Variants in SLC46A3 observed in about 807,000 individuals in gnomAD.
SLC46A3 encodes the protein solute carrier family 46 member 3, also known as lysosomal proton-coupled steroid conjugate and bile acid symporter SLC46A3.
Under a neutral mutation model 38.5 loss-of-function variants are expected in SLC46A3, and 26 were observed. The ratio of observed to expected loss-of-function variants is 0.68; its 90% CI spans 0.49 to 0.94. The LOEUF (loss-of-function observed/expected upper bound fraction) is 0.94, where lower values mean the gene tolerates loss of function less well. Ranked by LOEUF, SLC46A3 falls within the 40% of genes least tolerant of loss-of-function variation. The pLI is 0.00. For synonymous variants in SLC46A3, 185 were observed against 192.5 expected (o/e 0.96, Z 0.32); for missense variants, 510 against 544.3 (o/e 0.94, Z 0.63).
At chr13:28,716,801 G>GC (rs1566125556) in intron 2 of SLC46A3, among the ~76,000 whole-genome samples, 1 of 152,134 alleles carries the variant, frequency 6.6e-6, no homozygotes, top group Non-Finnish European at 1.5e-5. Context: ...GGGGCGGTTT[G>GC]CCATTTCCTC....
rs376550495 is a variant in SLC46A3, at chr13:28,711,664, C to G, written c.1061-821G>C. Among the ~76,000 whole-genome samples the G allele has an allele frequency of 1.6e-4, 24 of 152,268 alleles. No individual in the cohort carries two copies. The East Asian group carries it at 1.7e-3, about 11-fold the overall frequency. On this transcript the variant is annotated intron_variant, in intron 3 of 5. Coordinates refer to ENST00000266943, the MANE Select transcript of SLC46A3 (RefSeq NM_181785.4). ...TTCATAAACACAAATTACCTCTGGTCTTCAGTTATGACCCTTAATAGTCAG... is the reference window on the plus strand; with the variant it reads ...TTCATAAACACAAATTACCTCTGGTGTTCAGTTATGACCCTTAATAGTCAG...
chr13:28,715,357 G>T (rs1465446023), intron 2 of SLC46A3, among the ~76,000 whole-genome samples: 4 of 152,264 alleles, frequency 2.6e-5, no homozygotes, highest in African/African-American at 9.6e-5. Flanking sequence ...CAGGCTGGAG[G>T]TGGGCCAACA....
At chr13:28,711,993 C>G (rs911603126) in intron 3 of SLC46A3, among the ~76,000 whole-genome samples, 1 of 152,104 alleles carries the variant, frequency 6.6e-6, no homozygotes, top group African/African-American at 2.4e-5. Flanking sequence ...AAGTTAGGCC[C>G]AATTCTATTT....
intron 2 of SLC46A3, among the ~76,000 whole-genome samples, chr13:28,717,218 C>T (rs958635231): frequency 1.1e-4 from 17 of 152,094 alleles, no homozygotes; most frequent in Admixed American, 1.1e-3. Flanking sequence ...CAGATGTCCC[C>T]ACACAGCTGC....
intron 4 of SLC46A3, among the ~76,000 whole-genome samples, chr13:28,707,413 G>C (rs1429012548): frequency 1.5e-5 from 2 of 130,080 alleles, no homozygotes; most frequent in African/African-American, 5.6e-5. Context: ...AGTGGGGGGA[G>C]GGAGGAGGGG....
Position 28,710,833 on chromosome 13 carries a change from C to T in SLC46A3, c.1071G>A (p.Pro357=), listed in dbSNP as rs776471722. The T allele has an allele frequency of 7.4e-6, 12 of 1,613,282 alleles. No homozygotes were observed. Among genetic ancestry groups the T allele is most frequent in the South Asian group, 4.4e-5 (4 of 90,942 alleles). Residue 357 remains proline (P), a synonymous_variant, in exon 4 of 6, where the codon CCG becomes CCA. Coordinates refer to ENST00000266943, the MANE Select transcript of SLC46A3 (RefSeq NM_181785.4). ...TTLMMFLARV[P]FLFTIVPFSV... ...AGAATGGCACAATAGTGAAAAGGAA[C>T]GGCACCCTGGCTGTGAGAGAAAGGA...
At chr13:28,710,880 T>G in intron 3 of SLC46A3, 37 bp from the exon 4 acceptor site, 1 of 1,463,200 alleles carries the variant, frequency 6.8e-7, no homozygotes, top group Non-Finnish European at 9.6e-7. Context: ...TGGCTGATTC[T>G]GAAAGCTAAT....
rs537694004 is a variant in SLC46A3 at position 28,701,570 on chromosome 13, C to T, written c.1313G>A (p.Cys438Tyr). 3.7e-6 allele frequency: 6 copies of T among 1,612,770 alleles called. No homozygotes were observed. The highest frequency in any genetic ancestry group is 2.2e-5 in the East Asian group (1 of 44,838). Residue 438 changes from cysteine (C) to tyrosine (Y), a missense_variant, in exon 6 of 6, where the codon TGT becomes TAT. Transcript: ENST00000266943. ...LPAISLCVVK[C>Y]TSWNEGSYEL... is the part of the protein sequence containing the mutation. ...ATAGCTTCCCTCATTCCAGCTGGTACACTTGACAACACTATAAAAGGAAAC... is the reference window on the plus strand; with the variant it reads ...ATAGCTTCCCTCATTCCAGCTGGTATACTTGACAACACTATAAAAGGAAAC...
Position 28,713,551 on chromosome 13 carries a change from C to T in SLC46A3, c.190-1G>A. ...AACGTGACACTTTTTTCTGAACTTC[C>T]TGCAAAGAAATATAAAGAAGACAAT... On this transcript the variant is annotated splice_acceptor_variant, in intron 2 of 5. Coordinates refer to ENST00000266943, the MANE Select transcript of SLC46A3 (RefSeq NM_181785.4). LOFTEE classifies it high-confidence loss of function. The T allele has an allele frequency of 1.9e-6, 3 of 1,599,148 alleles. No individual in the cohort carries two copies. The highest frequency in any genetic ancestry group is 2.6e-6 in the Non-Finnish European group (3 of 1,170,928).
intron 3 of SLC46A3, among the ~76,000 whole-genome samples, chr13:28,711,946 C>T (rs1390677801): frequency 6.6e-6 from 1 of 152,148 alleles, no homozygotes; most frequent in Non-Finnish European, 1.5e-5. Context: ...GAGAGTAGTT[C>T]AGTAACTTGC....
chr13:28,713,487 G>T lies in SLC46A3; in HGVS notation c.253C>A (p.Leu85Ile). Residue 85 changes from leucine (L) to isoleucine (I), a missense_variant, in exon 3 of 6, where the codon CTA becomes ATA. Physicochemically the swap from Leu to Ile is conservative, Grantham distance 5. Transcript: ENST00000266943. The stretch of plus-strand genomic sequence containing the variant: ...GACAAAAGTATGAATGTAGACACTA[G>T]ACCAGGAATTAATCCACTTATGTCC... ...QMDISGLIPG[L>I]VSTFILLSIS... 2 of 1,613,546 alleles carry T rather than the reference G, an allele frequency of 1.2e-6. No individual in the cohort carries two copies. Among genetic ancestry groups the T allele is most frequent in the African/African-American group, 1.3e-5 (1 of 75,046 alleles).
chr13:28,718,720 T>G lies in SLC46A3; in HGVS notation c.-249A>C, dbSNP rs1885608952. Reference sequence around the variant, plus strand: ...ACCAAATTACGCTTGTCGGGGAGTCTCAAGCGTATTGTAAAGCAAACCTCG... The same window carrying G: ...ACCAAATTACGCTTGTCGGGGAGTCGCAAGCGTATTGTAAAGCAAACCTCG... On this transcript the variant is annotated 5_prime_UTR_variant, in exon 1 of 6. It removes the in-frame stop codon of an upstream open reading frame in the 5' UTR. Transcript: ENST00000266943. 1 of 152,298 alleles carries G rather than the reference T, an allele frequency of 6.6e-6. No individual in the cohort carries two copies. Among genetic ancestry groups the G allele is most frequent in the Non-Finnish European group, 1.5e-5 (1 of 68,098 alleles). The allele number at this position is 152,298 out of a possible 1,614,324, so 9.4% of individuals were successfully genotyped here.
intron 4 of SLC46A3, among the ~76,000 whole-genome samples, chr13:28,705,947 G>A (rs1885162700): frequency 6.6e-6 from 1 of 152,142 alleles, no homozygotes; most frequent in African/African-American, 2.4e-5. Context: ...CTGTTCTGAT[G>A]GAACCATACT....
Position 28,710,808 on chromosome 13 carries a change from A to C in SLC46A3, c.1096T>G (p.Ser366Ala). Reference sequence around the variant, plus strand: ...TTTGACAACATGGACCGTAGAACAGAGAATGGCACAATAGTGAAAAGGAAC... The same window carrying C: ...TTTGACAACATGGACCGTAGAACAGCGAATGGCACAATAGTGAAAAGGAAC... ...VPFLFTIVPF[S>A]VLRSMLSKVV... The change falls in exon 4 of 6, where the codon TCT becomes GCT. Residue 366 changes from serine (S) to alanine (A), a missense_variant. Physicochemically the swap from Ser to Ala is moderately conservative, Grantham distance 99. Coordinates refer to ENST00000266943, the MANE Select transcript of SLC46A3 (RefSeq NM_181785.4). The C allele has an allele frequency of 6.2e-7, 1 of 1,614,128 alleles. No individual in the cohort carries two copies. The highest frequency in any genetic ancestry group is 8.5e-7 in the Non-Finnish European group (1 of 1,179,998).
At chr13:28,707,374 G>A (rs1176404480) in intron 4 of SLC46A3, among the ~76,000 whole-genome samples, 18 of 134,608 alleles carry the variant, frequency 1.3e-4, no homozygotes, top group African/African-American at 4.6e-4. Context: ...CACAGGAAGG[G>A]GAACATCACA....
At position 28,701,007 on chromosome 13, in the gene SLC46A3, C is replaced by A; in HGVS notation, c.*490G>T. On this transcript the variant is annotated 3_prime_UTR_variant, in exon 6 of 6. Coordinates refer to ENST00000266943, the MANE Select transcript of SLC46A3 (RefSeq NM_181785.4). ...TAGGTAAAATCATACATATTTGAAA[C>A]TTATATCATTATTTTCCTACCAATG... 1 of 1,525,102 alleles carries A rather than the reference C, an allele frequency of 6.6e-7. No individual in the cohort carries two copies. Among genetic ancestry groups the A allele is most frequent in the Non-Finnish European group, 8.8e-7 (1 of 1,134,546 alleles). 94.5% of individuals were successfully genotyped at this position (1,525,102 alleles called of 1,614,324 possible). A position where few individuals can be genotyped will look rare whatever the true frequency, so the allele number is the denominator to read the frequency against.
rs760457153 is a variant in SLC46A3, at chr13:28,713,504, C to T, written c.236G>A (p.Ser79Asn). The change falls in exon 3 of 6, where the codon AGT (serine) becomes AAT (asparagine). Residue 79 changes from serine to asparagine, a missense_variant. Physicochemically the swap from Ser to Asn is conservative, Grantham distance 46 (BLOSUM62 1). Transcript: ENST00000266943. ...AGACACTAGACCAGGAATTAATCCACTTATGTCCATCTGCAGATTAAAACG... is the reference window on the plus strand; with the variant it reads ...AGACACTAGACCAGGAATTAATCCATTTATGTCCATCTGCAGATTAAAACG... ...VSRFNLQMDI[S>N]GLIPGLVSTF... is the part of the protein sequence containing the mutation. 2 of 1,610,622 alleles carry T rather than the reference C, an allele frequency of 1.2e-6. No homozygotes were observed. Among genetic ancestry groups the T allele is most frequent in the East Asian group, 2.2e-5 (1 of 44,800 alleles).
At chr13:28,717,489 T>TTTTTTTTTTTTTTTC (rs1885562230) in intron 2 of SLC46A3, among the ~76,000 whole-genome samples, 1 of 24,832 alleles carries the variant, frequency 4.0e-5, no homozygotes, top group Non-Finnish European at 1.1e-4. Flanking sequence ...TTCAGACTTT[T>TTTTTTTTTTTTTTTC]TTTTTTTTTT....
chr13:28,704,395 CTT>C (rs946794281), intron 4 of SLC46A3: 4 of 262,518 alleles, frequency 1.5e-5, no homozygotes, highest in African/African-American at 2.2e-5. Flanking sequence ...GCAGCTGACT[CTT>C]TTGATAACTG....
Sources: allele counts gnomAD v4.1 joint callset (sites outside exome capture counted in the v4.1 genomes callset), GRCh38; gene constraint gnomAD v4.1.1; transcripts MANE v1.5; gene names NCBI Gene and HGNC (gene_info 2026-07-23, HGNC 2026-07-21).